The following CCDC178 variants were observed in gnomAD, a reference collection of about 807,000 sequenced individuals.
CCDC178 encodes coiled-coil domain-containing protein 178.
A neutral mutation model predicts 117.4 loss-of-function variants in CCDC178; 126 were observed. The observed-to-expected ratio is 1.07, with a 90% CI of 0.93 to 1.24. The LOEUF (loss-of-function observed/expected upper bound fraction) is 1.24. Ranked by LOEUF, CCDC178 falls within the 50% of genes most tolerant of loss-of-function variation. CCDC178 has a pLI of 0.00. For missense variants in CCDC178, 1,030 were observed against 986.9 expected (o/e 1.04, Z -0.59); for synonymous variants, 283 against 313.4 (o/e 0.90, Z 1.02).
chr18:33,009,321 A>C (rs935203289), intron 21 of CCDC178, among the ~76,000 whole-genome samples: 2 of 152,054 alleles, frequency 1.3e-5, no homozygotes, highest in Non-Finnish European at 2.9e-5. Context: ...AAAGCTCTCA[A>C]TGGTTTTCCA....
intron 2 of CCDC178, among the ~76,000 whole-genome samples, chr18:33,418,858 A>T (rs1286642999): frequency 6.6e-6 from 1 of 152,236 alleles, no homozygotes; most frequent in Non-Finnish European, 1.5e-5. Flanking sequence ...ATGGAAAATT[A>T]TTCCATAGTC....
intron 11 of CCDC178, among the ~76,000 whole-genome samples, chr18:33,311,452 G>T (rs984502045): frequency 1.1e-4 from 16 of 152,216 alleles, no homozygotes; most frequent in Non-Finnish European, 1.5e-4. Context: ...TTGTTCTCCA[G>T]TGCCAGCTGG....
intron 20 of CCDC178, among the ~76,000 whole-genome samples, chr18:33,149,425 T>C (rs568042793): frequency 2.6e-5 from 4 of 152,242 alleles, no homozygotes; most frequent in South Asian, 2.1e-4. Flanking sequence ...ACAAGAATAT[T>C]AGGAATTTTC....
intron 20 of CCDC178, among the ~76,000 whole-genome samples, chr18:33,095,090 T>C (rs768648333): frequency 2.6e-5 from 4 of 152,008 alleles, no homozygotes; most frequent in Non-Finnish European, 5.9e-5. Context: ...GGTGGAAATA[T>C]GTGCAAGGGA....
At chr18:33,285,426 A>C (rs1482264399) in intron 12 of CCDC178, among the ~76,000 whole-genome samples, 1 of 152,200 alleles carries the variant, frequency 6.6e-6, no homozygotes, top group Non-Finnish European at 1.5e-5. Context: ...AATATGTATT[A>C]ATTATTTAGG....
intron 21 of CCDC178, among the ~76,000 whole-genome samples, chr18:33,040,227 C>T (rs1023326553): frequency 6.6e-6 from 1 of 151,746 alleles, no homozygotes. Context: ...CAAAATATCA[C>T]AGAAATAAAA....
At chr18:33,286,859 C>A (rs1364465069) in intron 12 of CCDC178, among the ~76,000 whole-genome samples, 1 of 151,926 alleles carries the variant, frequency 6.6e-6, no homozygotes, top group Non-Finnish European at 1.5e-5. Flanking sequence ...TTTTATATTA[C>A]AAGAAACTAA....
At chr18:32,984,141 C>T (rs1018879157) in intron 21 of CCDC178, among the ~76,000 whole-genome samples, 1 of 151,756 alleles carries the variant, frequency 6.6e-6, no homozygotes, top group Non-Finnish European at 1.5e-5. Context: ...AAATAAGACC[C>T]ACGTGCACTC....
intron 3 of CCDC178, among the ~76,000 whole-genome samples, chr18:33,407,183 AACTGT>A (rs1259828992): frequency 3.9e-5 from 6 of 152,154 alleles, no homozygotes; most frequent in Non-Finnish European, 5.9e-5. Context: ...TCCCTGCTTC[AACTGT>A]ACTTGAGAAT....
chr18:32,993,122 T>C (rs2055428850), intron 21 of CCDC178, among the ~76,000 whole-genome samples: 2 of 151,952 alleles, frequency 1.3e-5, no homozygotes, highest in African/African-American at 4.8e-5. Context: ...GCTGAGATCA[T>C]ACCACTGCAC....
intron 20 of CCDC178, among the ~76,000 whole-genome samples, chr18:33,129,985 A>G (rs1050434476): frequency 1.3e-5 from 2 of 152,006 alleles, no homozygotes; most frequent in African/African-American, 4.8e-5. Flanking sequence ...AAGTACATCA[A>G]GAATTTTAAT....
intron 21 of CCDC178, among the ~76,000 whole-genome samples, chr18:33,073,518 TC>T (rs2057147276): frequency 1.4e-5 from 2 of 146,790 alleles, no homozygotes; most frequent in Non-Finnish European, 3.0e-5. Flanking sequence ...TATCTATCTA[TC>T]TATCTATCTA....
At chr18:33,197,024 T>A (rs1217360258) in intron 20 of CCDC178, among the ~76,000 whole-genome samples, 1 of 152,176 alleles carries the variant, frequency 6.6e-6, no homozygotes, top group Non-Finnish European at 1.5e-5. Context: ...TCTTAATTTT[T>A]TCATTTCATT....
chr18:33,170,042 T>C lies in CCDC178; in HGVS notation c.2238+41854A>G, dbSNP rs78524484. Among the ~76,000 whole-genome samples the C allele has an allele frequency of 3.0e-3, 462 of 151,982 alleles. 2 individuals are homozygous for C. The highest frequency in any genetic ancestry group is 0.01 in the African/African-American group (431 of 41,478). On this transcript the variant is annotated intron_variant, in intron 20 of 22. Transcript: ENST00000383096. The stretch of plus-strand genomic sequence containing the variant: ...AGTTCAAAGATGTCATGTTTTGTGG[T>C]ATATCCCAGGCATTTGTGTGTGTGT...
At chr18:33,026,114 G>T (rs991475522) in intron 21 of CCDC178, among the ~76,000 whole-genome samples, 3 of 151,972 alleles carry the variant, frequency 2.0e-5, no homozygotes, top group Admixed American at 1.3e-4. Context: ...ATCCCCAAAG[G>T]TCACAAACTG....
At chr18:33,178,498 A>T (rs1195492438) in intron 20 of CCDC178, among the ~76,000 whole-genome samples, 5 of 152,070 alleles carry the variant, frequency 3.3e-5, no homozygotes. Context: ...CCTCTTTATA[A>T]AGAGTCAGAA....
intron 11 of CCDC178, among the ~76,000 whole-genome samples, chr18:33,300,068 G>A (rs968546968): frequency 6.6e-6 from 1 of 152,174 alleles, no homozygotes; most frequent in Non-Finnish European, 1.5e-5. Context: ...GAATAAATTG[G>A]TGCTGTCCTC....
chr18:33,305,613 T>C (rs373967483), intron 11 of CCDC178, among the ~76,000 whole-genome samples: 44 of 152,304 alleles, frequency 2.9e-4, no homozygotes, highest in African/African-American at 1.0e-3. Context: ...TGTATGAATG[T>C]GTATTCTTCT....
chr18:33,211,151 T>C (rs929372612), intron 20 of CCDC178, among the ~76,000 whole-genome samples: 1 of 151,870 alleles, frequency 6.6e-6, no homozygotes, highest in Non-Finnish European at 1.5e-5. Flanking sequence ...CTACATATAC[T>C]TTGAAAACTT....
Sources: allele counts gnomAD v4.1 joint callset (sites outside exome capture counted in the v4.1 genomes callset), GRCh38; gene constraint gnomAD v4.1.1; transcripts MANE v1.5; gene names NCBI Gene and HGNC (gene_info 2026-07-23, HGNC 2026-07-21).